NAV3: variants seen among roughly 807,000 people sequenced by gnomAD.
NAV3 encodes the protein neuron navigator 3.
A neutral mutation model predicts 244.7 loss-of-function variants in NAV3; 87 were observed. That is an observed-to-expected ratio of 0.36 (90% CI 0.30 to 0.42). NAV3 has a LOEUF of 0.42. NAV3 is among the 20% of genes least tolerant of loss of function. NAV3 has a pLI of 1.00. For missense variants in NAV3, 2,663 were observed against 2,893.3 expected, an observed-to-expected ratio of 0.92 and a Z score of 1.83; for synonymous variants, 1,126 against 1,042.2, an observed-to-expected ratio of 1.08 and a Z score of -1.55.
chr12:78,062,180 T>C (rs1884419996), intron 12 of NAV3, among the ~76,000 whole-genome samples: 1 of 152,118 alleles, frequency 6.6e-6, no homozygotes, highest in African/African-American at 2.4e-5. Context: ...ATCCAATCCA[T>C]CTTTTTATCA....
intron 5 of NAV3, among the ~76,000 whole-genome samples, chr12:77,983,811 G>A (rs1387863108): frequency 6.6e-6 from 1 of 152,152 alleles, no homozygotes; most frequent in Admixed American, 6.5e-5. Context: ...GTTCTTAAGT[G>A]TAAATTGTTT....
intron 2 of NAV3, among the ~76,000 whole-genome samples, chr12:77,751,293 CT>C (rs1451850300): frequency 1.3e-5 from 2 of 152,160 alleles, no homozygotes; most frequent in Non-Finnish European, 2.9e-5. Flanking sequence ...TTTGAAAGGA[CT>C]TCTTTTTCTC....
chr12:77,985,343 C>A (rs971137264), intron 5 of NAV3, among the ~76,000 whole-genome samples: 8 of 152,142 alleles, frequency 5.3e-5, no homozygotes, highest in Non-Finnish European at 1.0e-4. Flanking sequence ...GAACACTGAA[C>A]TAAGTTTAGT....
chr12:77,644,412 A>G (rs1196042080), intron 2 of NAV3, among the ~76,000 whole-genome samples: 1 of 152,090 alleles, frequency 6.6e-6, no homozygotes, highest in African/African-American at 2.4e-5. Context: ...TATTCTTGGT[A>G]AAAATCATAT....
chr12:78,166,905 C>T (rs573884980), intron 23 of NAV3, among the ~76,000 whole-genome samples: 3 of 151,522 alleles, frequency 2.0e-5, no homozygotes, highest in African/African-American at 4.8e-5. Flanking sequence ...GATTTTAATC[C>T]GTAGTACAAG....
In NAV3 at chr12:77,737,485, G is replaced by A. The variant is rs151267949; in HGVS notation, c.72+165219G>A. 2.9e-3 allele frequency among the ~76,000 whole-genome samples: 442 copies of A among 151,896 alleles called. 2 individuals are homozygous for A. Among genetic ancestry groups the A allele is most frequent in the African/African-American group, 9.2e-3 (379 of 41,364 alleles). On this transcript the variant is annotated intron_variant, in intron 2 of 8. Transcript: ENST00000550042. ...CTTTTTTCTTCCAGGGGATATAGGCGTTGACACAATTTTAAAAGCTCCCCA... is the reference window on the plus strand; with the variant it reads ...CTTTTTTCTTCCAGGGGATATAGGCATTGACACAATTTTAAAAGCTCCCCA...
At chr12:78,161,970 T>C (rs1565742708) in intron 23 of NAV3, among the ~76,000 whole-genome samples, 1 of 152,112 alleles carries the variant, frequency 6.6e-6, no homozygotes, top group Non-Finnish European at 1.5e-5. Flanking sequence ...GAAGCTATAG[T>C]ACAAAGGGAG....
intron 1 of NAV3, among the ~76,000 whole-genome samples, chr12:77,919,179 A>G (rs772867761): frequency 3.3e-5 from 5 of 152,050 alleles, no homozygotes; most frequent in Non-Finnish European, 7.4e-5. Flanking sequence ...TTTTATGTCT[A>G]TGGCCAGAGA....
chr12:77,817,482 T>C (rs755109331), intron 2 of NAV3, among the ~76,000 whole-genome samples: 5 of 146,518 alleles, frequency 3.4e-5, no homozygotes, highest in Non-Finnish European at 6.0e-5. Context: ...ACAGAGTCGT[T>C]TGTTGATTAA....
chr12:77,867,505 C>T (rs1487076148), intron 1 of NAV3, among the ~76,000 whole-genome samples: 5 of 152,078 alleles, frequency 3.3e-5, no homozygotes, highest in Admixed American at 6.5e-5. Flanking sequence ...CTGCCAGCTC[C>T]GCCTCCCAGG....
At chr12:78,106,359 T>C (rs1332915708) in intron 12 of NAV3, among the ~76,000 whole-genome samples, 1 of 152,148 alleles carries the variant, frequency 6.6e-6, no homozygotes, top group Non-Finnish European at 1.5e-5. Flanking sequence ...ATTTAGGAAT[T>C]TATAAAATGA....
intron 36 of NAV3, 186 bp from the exon 37 acceptor site, chr12:78,199,149 A>T (rs983621162): frequency 4.5e-6 from 3 of 670,664 alleles, no homozygotes; most frequent in Non-Finnish European, 8.2e-6. Context: ...TAGCTACATT[A>T]TAGCTCTCAT....
chr12:78,211,267 G>C lies in NAV3; in HGVS notation c.*750G>C, dbSNP rs1309746670. The C allele has an allele frequency of 6.6e-6, 1 of 152,468 alleles. No individual in the cohort carries two copies. Among genetic ancestry groups the C allele is most frequent in the Non-Finnish European group, 1.5e-5 (1 of 68,028 alleles). The allele number at this position is 152,468 out of a possible 1,614,324, so 9.4% of individuals were successfully genotyped here. ...AATTATTAGTCAACACTGATAAAAG[G>C]CTTTTTTAGGGCTTTATTTGTTTGA... On this transcript the variant is annotated 3_prime_UTR_variant, in exon 40 of 40. Transcript: ENST00000397909.
At chr12:78,172,658 T>G (rs942690001) in intron 24 of NAV3, among the ~76,000 whole-genome samples, 1 of 151,534 alleles carries the variant, frequency 6.6e-6, no homozygotes, top group Non-Finnish European at 1.5e-5. Context: ...GTCAATCACT[T>G]TATAAGTACT....
chr12:78,138,549 C>A (rs997161617), intron 19 of NAV3, among the ~76,000 whole-genome samples: 1 of 152,104 alleles, frequency 6.6e-6, no homozygotes, highest in Non-Finnish European at 1.5e-5. Flanking sequence ...CTGTGACAGA[C>A]AGTGAATTAT....
chr12:78,139,973 T>C (rs1956536807), intron 19 of NAV3, among the ~76,000 whole-genome samples: 1 of 152,204 alleles, frequency 6.6e-6, no homozygotes, highest in Admixed American at 6.5e-5. Flanking sequence ...GTTTCCATGC[T>C]ATTCTATTTA....
At chr12:77,966,341 A>C in intron 4 of NAV3, 40 bp downstream of exon 4, 1 of 1,491,080 alleles carries the variant, frequency 6.7e-7, no homozygotes, top group South Asian at 1.2e-5. Context: ...AATGGCATCA[A>C]TGTTTTTAAA....
At chr12:77,924,620 G>T (rs1441865081) in intron 1 of NAV3, among the ~76,000 whole-genome samples, 1 of 152,068 alleles carries the variant, frequency 6.6e-6, no homozygotes, top group Non-Finnish European at 1.5e-5. Context: ...AATGTTCCTT[G>T]TAATATATCA....
At chr12:77,717,962 T>A (rs183053643) in intron 2 of NAV3, among the ~76,000 whole-genome samples, 74 of 152,308 alleles carry the variant, frequency 4.9e-4, no homozygotes, top group African/African-American at 7.7e-4. Flanking sequence ...GTTCTTTATA[T>A]ATTTTTGATA....
Sources: gnomAD v4.1 joint callset for allele counts (sites outside exome capture counted in the v4.1 genomes callset) on GRCh38, gnomAD v4.1.1 for gene constraint, MANE v1.5 for transcripts, NCBI Gene and HGNC (gene_info 2026-07-23, HGNC 2026-07-21) for gene names.